CATSPER3: variants seen among roughly 807,000 people sequenced by gnomAD.
CATSPER3 encodes the protein cation channel sperm-associated protein 3.
A neutral mutation model predicts 36.6 loss-of-function variants in CATSPER3; 23 were observed. That is an observed-to-expected ratio of 0.63 (90% CI 0.45 to 0.89). The LOEUF is 0.89. CATSPER3 is among the 40% of genes least tolerant of loss of function. The probability of loss-of-function intolerance (pLI) is 0.00; values close to 1 mark genes in which losing one functional copy is unlikely to be tolerated. For missense variants in CATSPER3, 474 were observed against 503.9 expected (o/e 0.94, Z 0.57); for synonymous variants, 172 against 184.1 (o/e 0.93, Z 0.53).
At chr5:134,993,713 A>G (rs1751910273) in intron 2 of CATSPER3, among the ~76,000 whole-genome samples, 1 of 152,250 alleles carries the variant, frequency 6.6e-6, no homozygotes, top group Non-Finnish European at 1.5e-5. Context: ...AAAAACTTGA[A>G]ATAAACATTA....
intron 2 of CATSPER3, among the ~76,000 whole-genome samples, chr5:134,993,057 C>A (rs56262726): frequency 2.0e-5 from 3 of 152,178 alleles, no homozygotes; most frequent in Non-Finnish European, 4.4e-5. Context: ...GCATACAATG[C>A]TATATTATTC....
At chr5:135,009,543 G>A in intron 6 of CATSPER3, 53 bp downstream of exon 6, 1 of 1,595,438 alleles carries the variant, frequency 6.3e-7, no homozygotes, top group Non-Finnish European at 8.6e-7. Flanking sequence ...TCGTCAGGCT[G>A]ATGAGATGGC....
chr5:134,997,849 A>G (rs1751969019), intron 3 of CATSPER3, among the ~76,000 whole-genome samples: 1 of 151,940 alleles, frequency 6.6e-6, no homozygotes, highest in Admixed American at 6.6e-5. Context: ...GTCTAAACTG[A>G]AGTTGTCACT....
intron 2 of CATSPER3, among the ~76,000 whole-genome samples, chr5:134,977,360 A>G (rs971671065): frequency 6.6e-6 from 1 of 152,220 alleles, no homozygotes; most frequent in Non-Finnish European, 1.5e-5. Flanking sequence ...TTCTTCCGCT[A>G]GATTCCCTAA....
At position 134,996,248 on chromosome 5, in the gene CATSPER3, TCTC is replaced by T. The variant is rs1433177940; in HGVS notation, c.253-23_253-21del. On this transcript the variant is annotated intron_variant, in intron 2 of 7. Transcript: ENST00000282611. ...TAGGGCTGTGCAGCTCGATCTGACT[TCTC>T]CAACCCTTGCTACCCCTGTAGTTCT... is the stretch of plus-strand genomic sequence containing the variant. 3 of 1,614,014 alleles carry T rather than the reference TCTC, an allele frequency of 1.9e-6. No individual in the cohort carries two copies. The African/African-American group carries it at 4.0e-5, about 22-fold the overall frequency.
intron 2 of CATSPER3, among the ~76,000 whole-genome samples, chr5:134,992,228 A>G (rs370087078): frequency 1.3e-5 from 2 of 152,224 alleles, no homozygotes; most frequent in East Asian, 1.9e-4. Context: ...AACTTCTACA[A>G]TTCAACAACA....
intron 4 of CATSPER3, among the ~76,000 whole-genome samples, chr5:135,008,503 C>CA (rs1752119555): frequency 6.6e-6 from 1 of 152,140 alleles, no homozygotes; most frequent in Admixed American, 6.5e-5. Context: ...ATGCAAAACC[C>CA]AAATCTAGAA....
intron 2 of CATSPER3, among the ~76,000 whole-genome samples, chr5:134,981,773 G>T (rs540664946): frequency 8.5e-5 from 13 of 152,246 alleles, no homozygotes; most frequent in Middle Eastern, 3.4e-3. Context: ...CTTATACAAT[G>T]AACAGAAACT....
At chr5:134,995,308 ACCAC>A (rs1225103735) in intron 2 of CATSPER3, among the ~76,000 whole-genome samples, 1 of 152,010 alleles carries the variant, frequency 6.6e-6, no homozygotes, top group East Asian at 1.9e-4. Context: ...GCCTCTGGTA[ACCAC>A]TAGTCTACTC....
chr5:134,996,921 C>T (rs7714755), intron 3 of CATSPER3, among the ~76,000 whole-genome samples: 1 of 152,246 alleles, frequency 6.6e-6, no homozygotes, highest in Non-Finnish European at 1.5e-5. Flanking sequence ...TTTCCCCAAA[C>T]AGCTGAGTCT....
chr5:135,001,427 G>A (rs1244610350), intron 3 of CATSPER3, among the ~76,000 whole-genome samples: 1 of 152,202 alleles, frequency 6.6e-6, no homozygotes, highest in African/African-American at 2.4e-5. Context: ...GTTGATTTTT[G>A]GTGGAGAGTT....
intron 3 of CATSPER3, among the ~76,000 whole-genome samples, chr5:135,004,786 A>C (rs1226899296): frequency 2.0e-5 from 3 of 152,132 alleles, no homozygotes; most frequent in African/African-American, 7.2e-5. Flanking sequence ...GGAAGCTGGA[A>C]GGTTGGCCCT....
intron 6 of CATSPER3, among the ~76,000 whole-genome samples, chr5:135,009,909 A>G (rs1752157441): frequency 6.6e-6 from 1 of 152,204 alleles, no homozygotes; most frequent in South Asian, 2.1e-4. Context: ...TAAACCCAGA[A>G]CAAGAATGGG....
At position 134,970,014 on chromosome 5, in the gene CATSPER3, C is replaced by T; in HGVS notation, c.174C>T (p.Ser58=). The T allele has an allele frequency of 6.2e-7, 1 of 1,613,922 alleles. No individual in the cohort carries two copies. The highest frequency in any genetic ancestry group is 8.5e-7 in the Non-Finnish European group (1 of 1,179,838). The change falls in exon 2 of 8, where the codon AGC becomes AGT. Residue 58 remains serine (S), a synonymous_variant. Transcript: ENST00000282611. ...MSRFFKIIMI[S]TVTSNAFFMA... ...GTTTCTTTAAGATAATTATGATTAGCACTGTCACATCGAATGCGTTTTTTA... is the reference window on the plus strand; with the variant it reads ...GTTTCTTTAAGATAATTATGATTAGTACTGTCACATCGAATGCGTTTTTTA...
At chr5:134,988,359 T>C (rs1047697675) in intron 2 of CATSPER3, among the ~76,000 whole-genome samples, 3 of 152,192 alleles carry the variant, frequency 2.0e-5, no homozygotes, top group African/African-American at 7.2e-5. Context: ...GCCACATCAA[T>C]TGACTCTTCC....
Position 134,991,032 on chromosome 5 carries a change from A to G in CATSPER3, c.253-5241A>G, listed in dbSNP as rs150927471. ...AACAATCTGAAAAAGAAATTAAGAA[A>G]ATTATCTTTACAAGAGCATCCAAAA... On this transcript the variant is annotated intron_variant, in intron 2 of 7. Coordinates refer to ENST00000282611, the MANE Select transcript of CATSPER3 (RefSeq NM_178019.3). 4.9e-3 allele frequency among the ~76,000 whole-genome samples: 754 copies of G among 152,354 alleles called. 6 individuals carry two copies. Among genetic ancestry groups the G allele is most frequent in the African/African-American group, 0.017 (722 of 41,580 alleles).
At chr5:134,968,175 C>A (rs1394183977) in intron 1 of CATSPER3, 86 bp downstream of exon 1, 1 of 919,662 alleles carries the variant, frequency 1.1e-6, no homozygotes, top group Admixed American at 1.9e-5. Flanking sequence ...TCAGCCTCTT[C>A]CCTCAGATAC....
chr5:134,991,666 A>G (rs891127347), intron 2 of CATSPER3, among the ~76,000 whole-genome samples: 9 of 152,230 alleles, frequency 5.9e-5, no homozygotes, highest in African/African-American at 1.9e-4. Context: ...TCAACAACCT[A>G]AATATAAGAA....
Position 135,009,130 on chromosome 5 carries a change from G to A in CATSPER3, c.816+149G>A, listed in dbSNP as rs1356086690. 1.3e-5 allele frequency: 15 copies of A among 1,132,762 alleles called. No homozygotes were observed. The Admixed American group carries it at 2.0e-4, about 15-fold the overall frequency. 70.2% of individuals were successfully genotyped at this position (1,132,762 alleles called of 1,614,324 possible). On this transcript the variant is annotated intron_variant, in intron 5 of 7. Coordinates refer to ENST00000282611, the MANE Select transcript of CATSPER3 (RefSeq NM_178019.3). ...GGCCAGATGGACCTGTCCCTCACCC[G>A]GCCCAACTCTCCTCCCTGAGCCAGT...
Sources: allele counts gnomAD v4.1 joint callset (sites outside exome capture counted in the v4.1 genomes callset), GRCh38; gene constraint gnomAD v4.1.1; transcripts MANE v1.5; gene names NCBI Gene and HGNC (gene_info 2026-07-23, HGNC 2026-07-21).